CCDC66: variants seen among roughly 807,000 people sequenced by gnomAD.
CCDC66 encodes coiled-coil domain containing 66.
In CCDC66, 133 loss-of-function variants were observed where a neutral mutation model predicts 128.3. The observed-to-expected ratio is 1.04, with a 90% CI of 0.90 to 1.20. CCDC66 has a LOEUF of 1.20. Ranked by LOEUF, CCDC66 falls within the 50% of genes most tolerant of loss-of-function variation. CCDC66 has a pLI of 0.00. For synonymous variants in CCDC66, 387 were observed against 357.0 expected (o/e 1.08, Z -0.95); for missense variants, 1,126 against 1,075.5 (o/e 1.05, Z -0.66).
At position 56,621,784 on chromosome 3, in the gene CCDC66, T is replaced by C; in HGVS notation, c.*166T>C. ...AAAATGCTGTACTTGTTCTATACAA[T>C]AAAACAGATACTTCTTTTGTAAAAG... On this transcript the variant is annotated 3_prime_UTR_variant, in exon 18 of 18. Transcript: ENST00000394672. The C allele has an allele frequency of 5.0e-6, 1 of 199,310 alleles. No individual in the cohort carries two copies. The highest frequency in any genetic ancestry group is 8.9e-6 in the Non-Finnish European group (1 of 111,760). The allele number at this position is 199,310 out of a possible 1,614,324, so 12.3% of individuals were successfully genotyped here.
chr3:56,574,734 T>G (rs897304147), intron 7 of CCDC66, among the ~76,000 whole-genome samples: 6 of 151,988 alleles, frequency 3.9e-5, no homozygotes, highest in African/African-American at 1.2e-4. Flanking sequence ...TTACCCAGGC[T>G]GAACAGGCAC....
In CCDC66 at chr3:56,589,937, T is replaced by C. The variant is rs58056949; in HGVS notation, c.937-3033T>C. 6.0e-3 allele frequency among the ~76,000 whole-genome samples: 916 copies of C among 152,306 alleles called. 5 individuals are homozygous for C. The highest frequency in any genetic ancestry group is 0.019 in the African/African-American group (791 of 41,546). On this transcript the variant is annotated intron_variant, in intron 7 of 17. Coordinates refer to ENST00000394672, the MANE Select transcript of CCDC66 (RefSeq NM_001141947.3). ...ATTTGTTAAACCTCTATGGGCCCTC[T>C]GGTTCCAGAGGGAATTTAATTAATT...
intron 8 of CCDC66, 117 bp downstream of exon 8, chr3:56,593,218 A>G (rs890590977): frequency 2.2e-6 from 2 of 926,778 alleles, no homozygotes; most frequent in African/African-American, 3.3e-5. Context: ...TTTATTCCAC[A>G]TTTGCCCATG....
At chr3:56,576,383 A>AT (rs1449641548) in intron 7 of CCDC66, among the ~76,000 whole-genome samples, 1 of 150,524 alleles carries the variant, frequency 6.6e-6, no homozygotes, top group African/African-American at 2.4e-5. Context: ...TTTAAAAAAA[A>AT]TTTTATGCCA....
intron 11 of CCDC66, among the ~76,000 whole-genome samples, chr3:56,614,798 T>A (rs2075288183): frequency 6.6e-6 from 1 of 152,210 alleles, no homozygotes. Flanking sequence ...TAAAGTATCA[T>A]TTGAACCGCA....
chr3:56,607,222 T>C (rs957214174), intron 10 of CCDC66, among the ~76,000 whole-genome samples: 1 of 152,200 alleles, frequency 6.6e-6, no homozygotes, highest in Non-Finnish European at 1.5e-5. Context: ...AATTTGTAGA[T>C]TGCTTTTGGC....
Position 56,619,481 on chromosome 3 carries a change from A to G in CCDC66, c.2589A>G (p.Pro863=). Residue 863 remains proline, a synonymous_variant, in exon 16 of 18, where the codon CCA becomes CCG. Transcript: ENST00000394672. ...NEIYYLDPDA[P]LSGPSTQDPQ... ...TCTATTACCTTGATCCCGATGCACCATTGTCTGGGCCTTCAACCCAGGACC... is the reference window on the plus strand; with the variant it reads ...TCTATTACCTTGATCCCGATGCACCGTTGTCTGGGCCTTCAACCCAGGACC... 1 of 1,614,090 alleles carries G rather than the reference A, an allele frequency of 6.2e-7. No individual in the cohort carries two copies. The highest frequency in any genetic ancestry group is 8.5e-7 in the Non-Finnish European group (1 of 1,179,994).
Position 56,558,858 on chromosome 3 carries a change from G to T in CCDC66, c.24G>T (p.Lys8Asn). The T allele has an allele frequency of 6.5e-7, 1 of 1,549,026 alleles. No individual in the cohort carries two copies. The highest frequency in any genetic ancestry group is 1.2e-5 in the South Asian group (1 of 83,920). The part of the protein sequence containing the change: MNLGDGL[K>N]LETELLDGKT... ...TTTTTTATTACAGAGATGGTTTAAA[G>T]CTTGAAACTGAATTACTGGATGGAA... Residue 8 changes from lysine (K) to asparagine (N), a missense_variant, in exon 2 of 18, where the codon AAG (lysine) becomes AAT (asparagine). Lys to Asn is a moderately conservative substitution (Grantham distance 94). Coordinates refer to ENST00000394672, the MANE Select transcript of CCDC66 (RefSeq NM_001141947.3).
intron 10 of CCDC66, among the ~76,000 whole-genome samples, chr3:56,613,222 G>A (rs2075080545): frequency 6.6e-6 from 1 of 152,204 alleles, no homozygotes; most frequent in African/African-American, 2.4e-5. Flanking sequence ...GTAACGCCCT[G>A]TTAGTCTTGA....
chr3:56,580,117 GGATA>G (rs1230836349), intron 7 of CCDC66, among the ~76,000 whole-genome samples: 1 of 151,832 alleles, frequency 6.6e-6, no homozygotes, highest in East Asian at 2.0e-4. Flanking sequence ...TATATATTTA[GGATA>G]GTTAGCTCTT....
intron 10 of CCDC66, among the ~76,000 whole-genome samples, chr3:56,607,474 G>C (rs893079476): frequency 1.3e-5 from 2 of 152,084 alleles, no homozygotes; most frequent in Non-Finnish European, 2.9e-5. Flanking sequence ...CTACTGATTT[G>C]TGTCCATTAA....
chr3:56,604,119 C>T (rs566072029), intron 10 of CCDC66, among the ~76,000 whole-genome samples: 6 of 151,622 alleles, frequency 4.0e-5, no homozygotes, highest in East Asian at 3.9e-4. Context: ...TCTTTCTCTC[C>T]GTTTGATTGG....
chr3:56,557,682 C>G (rs1208119584), intron 1 of CCDC66: 1 of 177,700 alleles, frequency 5.6e-6, no homozygotes. Flanking sequence ...GTTTTAGGCC[C>G]ACGAGGCGGG....
At chr3:56,588,581 A>C (rs1380688210) in intron 7 of CCDC66, among the ~76,000 whole-genome samples, 1 of 152,234 alleles carries the variant, frequency 6.6e-6, no homozygotes, top group Non-Finnish European at 1.5e-5. Context: ...TGATAGCACC[A>C]AGTGGGGTGA....
intron 10 of CCDC66, among the ~76,000 whole-genome samples, chr3:56,598,740 C>T (rs139126307): frequency 1.3e-5 from 2 of 152,128 alleles, no homozygotes; most frequent in Non-Finnish European, 2.9e-5. Context: ...ATGTTGAATT[C>T]TGCCTGCATC....
At chr3:56,620,781 A>G (rs968478892) in intron 17 of CCDC66, 2 of 152,232 alleles carry the variant, frequency 1.3e-5, no homozygotes, top group Admixed American at 6.5e-5. Flanking sequence ...ACATTTACCC[A>G]TCAATATAGC....
At chr3:56,563,126 C>G (rs2065321638) in intron 3 of CCDC66, among the ~76,000 whole-genome samples, 1 of 151,514 alleles carries the variant, frequency 6.6e-6, no homozygotes, top group South Asian at 2.1e-4. Flanking sequence ...TTTGGGAGGC[C>G]AAGGCAGGTG....
chr3:56,608,659 G>A (rs1400011258), intron 10 of CCDC66, among the ~76,000 whole-genome samples: 1 of 152,016 alleles, frequency 6.6e-6, no homozygotes, highest in Non-Finnish European at 1.5e-5. Flanking sequence ...GGTTTGGTTT[G>A]TTCTTGTTTC....
At chr3:56,589,083 A>C (rs2070365740) in intron 7 of CCDC66, among the ~76,000 whole-genome samples, 1 of 152,212 alleles carries the variant, frequency 6.6e-6, no homozygotes. Context: ...TTAAATTGAT[A>C]AGCCCCTCAT....
Sources: gnomAD v4.1 joint callset for allele counts (sites outside exome capture counted in the v4.1 genomes callset) on GRCh38, gnomAD v4.1.1 for gene constraint, MANE v1.5 for transcripts, NCBI Gene and HGNC (gene_info 2026-07-23, HGNC 2026-07-21) for gene names.